The following KCND3 variants were observed in gnomAD, a reference collection of about 807,000 sequenced individuals.
KCND3 encodes the protein potassium voltage-gated channel subfamily D member 3.
KCND3 carries 9 observed loss-of-function variants against 51.1 expected under a neutral mutation model. That is an observed-to-expected ratio of 0.18 (90% CI 0.11 to 0.31). The LOEUF (loss-of-function observed/expected upper bound fraction) is 0.31. Among genes scored for constraint, KCND3 ranks in the 10% least tolerant of loss-of-function variants. The pLI, the probability that KCND3 is intolerant of heterozygous loss-of-function variation, is 1.00. For missense variants in KCND3, 526 were observed against 903.8 expected (o/e 0.58, Z 5.36); for synonymous variants, 349 against 368.0 (o/e 0.95, Z 0.59).
chr1:111,903,169 C>T (rs903977308), intron 2 of KCND3, among the ~76,000 whole-genome samples: 1 of 152,170 alleles, frequency 6.6e-6, no homozygotes, highest in African/African-American at 2.4e-5. Flanking sequence ...CTCACTGTTC[C>T]CTGAGAGTCT....
chr1:111,827,715 T>C (rs1666641562), intron 2 of KCND3, among the ~76,000 whole-genome samples: 1 of 152,224 alleles, frequency 6.6e-6, no homozygotes, highest in Admixed American at 6.5e-5. Context: ...CTGGCAAGCC[T>C]GTGCAATTCC....
chr1:111,790,740 A>G (rs1164751002), intron 2 of KCND3, among the ~76,000 whole-genome samples: 1 of 152,020 alleles, frequency 6.6e-6, no homozygotes, highest in Non-Finnish European at 1.5e-5. Flanking sequence ...TCCACACCCC[A>G]CCTCTCAGAC....
At chr1:111,883,453 G>T (rs1486572842) in intron 2 of KCND3, among the ~76,000 whole-genome samples, 2 of 152,124 alleles carry the variant, frequency 1.3e-5, no homozygotes, top group African/African-American at 2.4e-5. Context: ...ATTCTTCAGG[G>T]CTCAGCTCAA....
intron 2 of KCND3, among the ~76,000 whole-genome samples, chr1:111,897,510 C>T (rs1001565216): frequency 2.6e-5 from 4 of 152,186 alleles, no homozygotes; most frequent in African/African-American, 7.2e-5. Flanking sequence ...CTGGACAGCT[C>T]GGTGTGTGGC....
intron 2 of KCND3, among the ~76,000 whole-genome samples, chr1:111,918,155 C>T (rs962687733): frequency 6.6e-6 from 1 of 152,162 alleles, no homozygotes; most frequent in African/African-American, 2.4e-5. Context: ...AGGGAAGATG[C>T]AAGTGGCTTA....
intron 2 of KCND3, among the ~76,000 whole-genome samples, chr1:111,980,326 T>C (rs1048624527): frequency 1.3e-5 from 2 of 151,928 alleles, no homozygotes; most frequent in African/African-American, 4.8e-5. Flanking sequence ...CCTTCACAAA[T>C]GGATGGTGAC....
At chr1:111,962,933 C>T (rs1217818631) in intron 2 of KCND3, among the ~76,000 whole-genome samples, 1 of 152,214 alleles carries the variant, frequency 6.6e-6, no homozygotes, top group African/African-American at 2.4e-5. Flanking sequence ...CTTGGCCTGT[C>T]GTGCAGCTCT....
At chr1:111,877,098 G>A (rs565462964) in intron 2 of KCND3, among the ~76,000 whole-genome samples, 56 of 152,306 alleles carry the variant, frequency 3.7e-4, no homozygotes, top group African/African-American at 1.3e-3. Flanking sequence ...TTAGAATTCT[G>A]TCCTCAAGAA....
chr1:111,885,727 G>C (rs1443733192), intron 2 of KCND3, among the ~76,000 whole-genome samples: 1 of 151,814 alleles, frequency 6.6e-6, no homozygotes, highest in Non-Finnish European at 1.5e-5. Flanking sequence ...GGCTGGAGTA[G>C]AGTGGCGTGA....
chr1:111,776,010 G>T lies in KCND3; in HGVS notation c.*67C>A. ...AAAGGGGGGAGGGAGTGGTCTCAGT[G>T]ACCACCCACCAACATGCCAGTCCCC... is the stretch of plus-strand genomic sequence containing the variant. On this transcript the variant is annotated 3_prime_UTR_variant, in exon 8 of 8. Coordinates refer to ENST00000302127, the MANE Select transcript of KCND3 (RefSeq NM_001378969.1). 6.4e-7 allele frequency: 1 copy of T among 1,550,734 alleles called. No homozygotes were observed. The highest frequency in any genetic ancestry group is 8.9e-7 in the Non-Finnish European group (1 of 1,123,080).
intron 2 of KCND3, among the ~76,000 whole-genome samples, chr1:111,970,539 C>T (rs1307826484): frequency 6.6e-6 from 1 of 152,228 alleles, no homozygotes; most frequent in Non-Finnish European, 1.5e-5. Flanking sequence ...CCTCCTCCAT[C>T]TTCTCCTCAC....
intron 2 of KCND3, among the ~76,000 whole-genome samples, chr1:111,950,681 G>A (rs1053982090): frequency 2.0e-5 from 3 of 152,190 alleles, no homozygotes; most frequent in Admixed American, 6.5e-5. Context: ...TCCTAGGCAG[G>A]AAAGGAGGAG....
Position 111,982,415 on chromosome 1 carries a change from G to A in KCND3, c.312C>T (p.His104=), listed in dbSNP as rs780720253. 23 of 1,614,080 alleles carry A rather than the reference G, an allele frequency of 1.4e-5. 1 individual carries two copies. The South Asian group carries it at 2.5e-4, about 18-fold the overall frequency. The change falls in exon 2 of 8, where the codon CAC becomes CAT. Residue 104 remains histidine, a synonymous_variant. Coordinates refer to ENST00000302127, the MANE Select transcript of KCND3 (RefSeq NM_001378969.1). The surrounding 1 kb of genome is among the most constrained non-coding windows in gnomAD (Gnocchi z 8.5). ...VLNFYRTGKL[H]YPRYECISAY... The stretch of plus-strand genomic sequence containing the variant: ...CAGAGATGCACTCGTAGCGCGGGTA[G>A]TGCAGCTTCCCCGTGCGGTAGAAGT...
intron 2 of KCND3, among the ~76,000 whole-genome samples, chr1:111,956,121 T>C (rs1187491929): frequency 6.6e-6 from 1 of 152,118 alleles, no homozygotes; most frequent in African/African-American, 2.4e-5. Context: ...ATAGGACAGA[T>C]TGCAGATACT....
intron 2 of KCND3, among the ~76,000 whole-genome samples, chr1:111,876,517 T>C (rs1669057588): frequency 6.6e-6 from 1 of 152,194 alleles, no homozygotes; most frequent in African/African-American, 2.4e-5. Context: ...CCAGGCTGCC[T>C]ACCCTGACTT....
At chr1:111,914,262 G>A (rs1242934819) in intron 2 of KCND3, among the ~76,000 whole-genome samples, 1 of 132,226 alleles carries the variant, frequency 7.6e-6, no homozygotes, top group African/African-American at 2.8e-5. Context: ...AGCAAAGAAG[G>A]AAAAAAGATT....
At chr1:111,943,074 C>T (rs1238564499) in intron 2 of KCND3, among the ~76,000 whole-genome samples, 1 of 152,130 alleles carries the variant, frequency 6.6e-6, no homozygotes. Context: ...AAAGGGCAAA[C>T]TGTCCGGGAG....
intron 2 of KCND3, among the ~76,000 whole-genome samples, chr1:111,954,859 T>G (rs1673243682): frequency 6.6e-6 from 1 of 152,252 alleles, no homozygotes; most frequent in South Asian, 2.1e-4. Context: ...GTCTATGTTT[T>G]TGAACCAATG....
intron 5 of KCND3, among the ~76,000 whole-genome samples, chr1:111,778,892 A>C (rs1185005745): frequency 1.3e-5 from 2 of 151,954 alleles, no homozygotes; most frequent in Non-Finnish European, 2.9e-5. Flanking sequence ...CTAAAATCTC[A>C]TTTCTTTAAT....
Sources: allele counts gnomAD v4.1 joint callset (sites outside exome capture counted in the v4.1 genomes callset), GRCh38; gene constraint gnomAD v4.1.1; non-coding constraint Gnocchi (gnomAD v3.1); transcripts MANE v1.5; gene names NCBI Gene and HGNC (gene_info 2026-07-23, HGNC 2026-07-21).